The following KCNB2 variants were observed in gnomAD, a reference collection of about 807,000 sequenced individuals.
KCNB2 encodes the protein potassium voltage-gated channel subfamily B member 2, also known as delayed rectifier potassium channel protein.
A neutral mutation model predicts 61.5 loss-of-function variants in KCNB2; 15 were observed. The ratio of observed to expected loss-of-function variants is 0.24; its 90% confidence interval spans 0.16 to 0.38. KCNB2 has a LOEUF of 0.38. Among genes scored for constraint, KCNB2 ranks in the 10% least tolerant of loss-of-function variants. The probability of loss-of-function intolerance (pLI) is 1.00; values close to 1 mark genes in which losing one functional copy is unlikely to be tolerated. For synonymous variants in KCNB2, 457 were observed against 446.0 expected, an observed-to-expected ratio of 1.02 and a Z score of -0.31; for missense variants, 828 against 1,125.2, an observed-to-expected ratio of 0.74 and a Z score of 3.78.
At chr8:72,769,052 C>T (rs1352891403) in intron 2 of KCNB2, among the ~76,000 whole-genome samples, 5 of 151,854 alleles carry the variant, frequency 3.3e-5, no homozygotes, top group Non-Finnish European at 5.9e-5. Flanking sequence ...CCCAGCTGCT[C>T]GGGAGGCTGA....
chr8:72,867,590 T>C (rs1346428155), intron 2 of KCNB2, among the ~76,000 whole-genome samples: 2 of 152,236 alleles, frequency 1.3e-5, no homozygotes, highest in Admixed American at 1.3e-4. Context: ...TATAGACCTA[T>C]GTAAAAAGTA....
At chr8:72,797,728 C>A (rs778561164) in intron 2 of KCNB2, among the ~76,000 whole-genome samples, 4 of 152,134 alleles carry the variant, frequency 2.6e-5, no homozygotes, top group Non-Finnish European at 2.9e-5. Flanking sequence ...AGGGACATGG[C>A]CTGAACTAGA....
chr8:72,546,594 C>A (rs548026852), intron 1 of KCNB2, among the ~76,000 whole-genome samples: 1 of 151,592 alleles, frequency 6.6e-6, no homozygotes, highest in Admixed American at 6.6e-5. Flanking sequence ...CAATATTTAG[C>A]TAAGATCATT....
In KCNB2 at chr8:72,760,770, C is replaced by G. The variant is rs543487373; in HGVS notation, c.580-175165C>G. On this transcript the variant is annotated intron_variant, in intron 2 of 2. Transcript: ENST00000523207. Reference sequence around the variant, plus strand: ...TTGACTTGGTGTTGGCAGTACTTTACTTTGAGCTGCATGATCTTGGCCTCA... The same window carrying G: ...TTGACTTGGTGTTGGCAGTACTTTAGTTTGAGCTGCATGATCTTGGCCTCA... 4.6e-5 allele frequency among the ~76,000 whole-genome samples: 7 copies of G among 152,324 alleles called. No individual in the cohort carries two copies. In the East Asian group the frequency reaches 1.3e-3, roughly 29 times the overall value.
intron 2 of KCNB2, among the ~76,000 whole-genome samples, chr8:72,683,071 T>G (rs1210112917): frequency 6.6e-6 from 1 of 152,236 alleles, no homozygotes; most frequent in Non-Finnish European, 1.5e-5. Context: ...GGCTCTGGTT[T>G]GATTAATAAT....
chr8:72,690,992 C>T lies in KCNB2; in HGVS notation c.579+122679C>T, dbSNP rs1474737457. ...CGTATTTGAAATACCCACGGCTGCC[C>T]CTGAACTTGCTGCATCAATGGAGCC... On this transcript the variant is annotated intron_variant, in intron 2 of 2. Transcript: ENST00000523207. Among the ~76,000 whole-genome samples the T allele has an allele frequency of 3.9e-5, 6 of 152,242 alleles. No homozygotes were observed. The East Asian group carries it at 1.2e-3, about 29-fold the overall frequency.
chr8:72,808,724 C>G (rs1469544951), intron 2 of KCNB2, among the ~76,000 whole-genome samples: 2 of 152,010 alleles, frequency 1.3e-5, no homozygotes, highest in East Asian at 3.9e-4. Context: ...ACATAGTGCC[C>G]CACCCCACCC....
At position 72,598,297 on chromosome 8, in the gene KCNB2, T is replaced by TTG. The variant is rs1283888322; in HGVS notation, c.579+29984_579+29985insTG. On this transcript the variant is annotated intron_variant, in intron 2 of 2. Coordinates refer to ENST00000523207, the MANE Select transcript of KCNB2 (RefSeq NM_004770.3). ...ACTCAGATGCAAGGCTGGTTCAACA[T>TTG]ATGAAAATCAATAAACGTAATCCAG... Among the ~76,000 whole-genome samples the TTG allele has an allele frequency of 1.1e-3, 174 of 152,304 alleles. 5 individuals are homozygous for TTG. In the East Asian group the frequency reaches 0.031, roughly 27 times the overall value.
intron 2 of KCNB2, among the ~76,000 whole-genome samples, chr8:72,922,185 C>T (rs1051511019): frequency 1.3e-5 from 2 of 152,180 alleles, no homozygotes; most frequent in African/African-American, 4.8e-5. Flanking sequence ...CAATCTCTGC[C>T]TCTGTTGTTA....
chr8:72,743,005 C>T (rs142436739), intron 2 of KCNB2, among the ~76,000 whole-genome samples: 1 of 152,296 alleles, frequency 6.6e-6, no homozygotes, highest in East Asian at 1.9e-4. Flanking sequence ...CTCACTCAGC[C>T]ATGAGCACCT....
chr8:72,629,987 G>A (rs565389178), intron 2 of KCNB2, among the ~76,000 whole-genome samples: 50 of 152,296 alleles, frequency 3.3e-4, no homozygotes, highest in African/African-American at 1.1e-3. Flanking sequence ...TGCCTTACTC[G>A]TATAGCAAGC....
At chr8:72,665,116 G>A (rs1366506844) in intron 2 of KCNB2, among the ~76,000 whole-genome samples, 1 of 152,234 alleles carries the variant, frequency 6.6e-6, no homozygotes, top group Non-Finnish European at 1.5e-5. Flanking sequence ...GACTGGGGCT[G>A]TGTGCTTGCC....
At chr8:72,901,777 C>T (rs765103314) in intron 2 of KCNB2, among the ~76,000 whole-genome samples, 4 of 152,130 alleles carry the variant, frequency 2.6e-5, no homozygotes, top group Non-Finnish European at 4.4e-5. Flanking sequence ...TGCCAAACTC[C>T]CTTCTGTGGA....
intron 2 of KCNB2, among the ~76,000 whole-genome samples, chr8:72,884,057 C>T (rs1805762505): frequency 6.6e-6 from 1 of 152,178 alleles, no homozygotes; most frequent in African/African-American, 2.4e-5. Context: ...TGAAAGCTTT[C>T]ATTCCTCTTT....
At chr8:72,785,033 T>A (rs540197625) in intron 2 of KCNB2, among the ~76,000 whole-genome samples, 5 of 152,326 alleles carry the variant, frequency 3.3e-5, no homozygotes, top group East Asian at 3.9e-4. Context: ...TCAGATTTTT[T>A]AAAAATAACA....
rs572092573 is a variant in KCNB2 at position 72,882,086 on chromosome 8, A to G, written c.580-53849A>G. Among the ~76,000 whole-genome samples the G allele has an allele frequency of 4.0e-5, 6 of 150,158 alleles. No homozygotes were observed. In the East Asian group the frequency reaches 1.2e-3, roughly 29 times the overall value. On this transcript the variant is annotated intron_variant, in intron 2 of 2. Coordinates refer to ENST00000523207, the MANE Select transcript of KCNB2 (RefSeq NM_004770.3). ...CTGCAATCTTCTCTCCTTAGCAGGA[A>G]AAAAAAAAATGTACTGAAGTGATCA... is the stretch of plus-strand genomic sequence containing the variant.
intron 2 of KCNB2, among the ~76,000 whole-genome samples, chr8:72,655,453 A>T (rs1218462231): frequency 1.3e-5 from 2 of 152,150 alleles, no homozygotes; most frequent in African/African-American, 4.8e-5. Flanking sequence ...AAAAATAAAT[A>T]AATTAATAAA....
At chr8:72,758,030 T>C (rs1808317818) in intron 2 of KCNB2, among the ~76,000 whole-genome samples, 1 of 152,200 alleles carries the variant, frequency 6.6e-6, no homozygotes, top group East Asian at 1.9e-4. Flanking sequence ...TTGTTATTCA[T>C]TACCTGGCCT....
intron 2 of KCNB2, among the ~76,000 whole-genome samples, chr8:72,790,040 G>T (rs1264247998): frequency 6.6e-6 from 1 of 152,092 alleles, no homozygotes; most frequent in Non-Finnish European, 1.5e-5. Flanking sequence ...GCAATAGAGG[G>T]GAAATAGGAG....
Sources: allele counts gnomAD v4.1 joint callset (sites outside exome capture counted in the v4.1 genomes callset), GRCh38; gene constraint gnomAD v4.1.1; transcripts MANE v1.5; gene names NCBI Gene and HGNC (gene_info 2026-07-23, HGNC 2026-07-21).